The following CRACD variants were observed in gnomAD, a reference collection of about 807,000 sequenced individuals.
The protein encoded by CRACD is capping protein-inhibiting regulator of actin dynamics.
CRACD carries 56 observed loss-of-function variants against 106.8 expected under a neutral mutation model. The ratio of observed to expected loss-of-function variants is 0.52; its 90% CI spans 0.42 to 0.66. The LOEUF is 0.66. CRACD is among the 30% of genes least tolerant of loss of function. CRACD has a pLI of 0.00. For missense variants in CRACD, 1,730 were observed against 1,623.2 expected, an observed-to-expected ratio of 1.07 and a Z score of -1.13; for synonymous variants, 754 against 670.8, an observed-to-expected ratio of 1.12 and a Z score of -1.92.
chr4:56,057,911 C>A (rs1332145282), intron 1 of CRACD, among the ~76,000 whole-genome samples: 1 of 113,214 alleles, frequency 8.8e-6, no homozygotes, highest in South Asian at 2.7e-4. Context: ...CTCCGCCTCC[C>A]GGGTTCACGC....
intron 1 of CRACD, among the ~76,000 whole-genome samples, chr4:56,092,747 T>C (rs1161713546): frequency 6.6e-6 from 1 of 152,042 alleles, no homozygotes; most frequent in African/African-American, 2.4e-5. Flanking sequence ...GACTACAGAA[T>C]GGCACTACCA....
intron 3 of CRACD, among the ~76,000 whole-genome samples, chr4:56,287,291 A>ATTTTTTTTT (rs57432926): frequency 4.9e-4 from 72 of 145,948 alleles, no homozygotes; most frequent in African/African-American, 1.7e-3. Flanking sequence ...TACTTGGCTA[A>ATTTTTTTTT]TTTTTTTTTT....
intron 2 of CRACD, among the ~76,000 whole-genome samples, chr4:56,190,241 C>G (rs1737309646): frequency 1.3e-5 from 2 of 151,904 alleles, no homozygotes; most frequent in South Asian, 4.2e-4. Context: ...TGGGTTGGTT[C>G]CAAGTCTTTG....
At position 56,166,573 on chromosome 4, in the gene CRACD, G is replaced by A. The variant is rs180735485; in HGVS notation, c.-335-12711G>A. On this transcript the variant is annotated intron_variant, in intron 1 of 10. Coordinates refer to ENST00000682029, the MANE Select transcript of CRACD (RefSeq NM_001393381.1). ...TGCATGCCTATAATCCCAGCAACTC[G>A]GGAGGCTGAGACAGGAGAATCGCTT... Among the ~76,000 whole-genome samples the A allele has an allele frequency of 8.6e-5, 13 of 150,490 alleles. No homozygotes were observed. In the East Asian group the frequency reaches 1.6e-3, roughly 18 times the overall value.
chr4:56,170,042 A>G (rs1261317319), intron 1 of CRACD, among the ~76,000 whole-genome samples: 1 of 146,934 alleles, frequency 6.8e-6, no homozygotes, highest in Admixed American at 7.1e-5. Context: ...GAGTAGCAGA[A>G]CAACAACAAC....
At chr4:56,127,993 CTG>C (rs976074782) in intron 1 of CRACD, among the ~76,000 whole-genome samples, 1 of 152,128 alleles carries the variant, frequency 6.6e-6, no homozygotes, top group African/African-American at 2.4e-5. Context: ...GAAAATATGA[CTG>C]TTTTCTCTCT....
chr4:56,188,196 G>A (rs919912337), intron 2 of CRACD, among the ~76,000 whole-genome samples: 1 of 152,090 alleles, frequency 6.6e-6, no homozygotes, highest in South Asian at 2.1e-4. Context: ...ACTTGGATAT[G>A]TATATGTATT....
chr4:56,175,514 A>C (rs1327643672), intron 1 of CRACD, among the ~76,000 whole-genome samples: 1 of 151,982 alleles, frequency 6.6e-6, no homozygotes, highest in Non-Finnish European at 1.5e-5. Context: ...AAAATTTTTT[A>C]AATTTTTGTG....
chr4:56,169,783 G>A (rs1171326036), intron 1 of CRACD, among the ~76,000 whole-genome samples: 1 of 151,986 alleles, frequency 6.6e-6, no homozygotes, highest in African/African-American at 2.4e-5. Flanking sequence ...CAGGCACCAC[G>A]ACTGGCCCGT....
At position 56,328,012 on chromosome 4, in the gene CRACD, T is replaced by C. The variant is rs1482795606; in HGVS notation, c.*208T>C. ...CCTAGGTCCTGGTGCCTCGAGCTCC[T>C]CCTAGTTCTCAAGAGAAAATTCCGT... is the stretch of plus-strand genomic sequence containing the variant. On this transcript the variant is annotated 3_prime_UTR_variant, in exon 11 of 11. Coordinates refer to ENST00000682029, the MANE Select transcript of CRACD (RefSeq NM_001393381.1). 4.2e-6 allele frequency: 2 copies of C among 481,482 alleles called. No individual in the cohort carries two copies. Among genetic ancestry groups the C allele is most frequent in the East Asian group, 7.3e-5 (2 of 27,446 alleles). The allele number at this position is 481,482 out of a possible 1,614,324, so 29.8% of individuals were successfully genotyped here.
At chr4:56,174,930 A>G (rs886682523) in intron 1 of CRACD, among the ~76,000 whole-genome samples, 1 of 152,234 alleles carries the variant, frequency 6.6e-6, no homozygotes, top group Non-Finnish European at 1.5e-5. Context: ...CATGTGTTAC[A>G]TGGTGGCAAG....
At chr4:56,115,659 C>T (rs930661502) in intron 1 of CRACD, among the ~76,000 whole-genome samples, 1 of 152,168 alleles carries the variant, frequency 6.6e-6, no homozygotes, top group Non-Finnish European at 1.5e-5. Context: ...AGAAACCCAA[C>T]TTGGGTCATC....
intron 1 of CRACD, among the ~76,000 whole-genome samples, chr4:56,055,263 C>T (rs1339866034): frequency 2.0e-5 from 3 of 151,486 alleles, no homozygotes; most frequent in Non-Finnish European, 4.4e-5. Flanking sequence ...AGACAGGGAG[C>T]GGGAAACAGG....
At position 56,316,175 on chromosome 4, in the gene CRACD, A is replaced by C; in HGVS notation, c.2673A>C (p.Gly891=). Residue 891 remains glycine (G), a synonymous_variant, in exon 8 of 11, where the codon GGA becomes GGC. Coordinates refer to ENST00000682029, the MANE Select transcript of CRACD (RefSeq NM_001393381.1). Reference sequence around the variant, plus strand: ...CGCCTGCAGCGGGGAGCGCTCGTGGAGAGAAAGAGATGGAGGGTGTGGCCC... The same window carrying C: ...CGCCTGCAGCGGGGAGCGCTCGTGGCGAGAAAGAGATGGAGGGTGTGGCCC... The part of the protein sequence containing the change: ...AGPPAAGSAR[G]EKEMEGVALK... 2.5e-6 allele frequency: 4 copies of C among 1,614,170 alleles called. No individual in the cohort carries two copies. The highest frequency in any genetic ancestry group is 3.4e-6 in the Non-Finnish European group (4 of 1,180,014).
intron 2 of CRACD, among the ~76,000 whole-genome samples, chr4:56,262,640 T>A (rs753078429): frequency 1.1e-4 from 17 of 152,194 alleles, no homozygotes; most frequent in Non-Finnish European, 1.9e-4. Context: ...ACCTACTGTT[T>A]CTCACAGGGT....
intron 2 of CRACD, among the ~76,000 whole-genome samples, chr4:56,195,157 A>C (rs1737544887): frequency 6.6e-6 from 1 of 152,152 alleles, no homozygotes. Context: ...AGTTTAAGGA[A>C]ATACTTTATA....
intron 1 of CRACD, among the ~76,000 whole-genome samples, chr4:56,086,900 CCT>C (rs1323623680): frequency 1.3e-5 from 2 of 152,178 alleles, no homozygotes; most frequent in African/African-American, 2.4e-5. Context: ...TCACCGCTCC[CCT>C]CTTTCACCTT....
At chr4:56,179,067 GA>G (rs1428091151) in intron 1 of CRACD, among the ~76,000 whole-genome samples, 1 of 152,174 alleles carries the variant, frequency 6.6e-6, no homozygotes, top group African/African-American at 2.4e-5. Context: ...TCAAAAGGGG[GA>G]AAGTTAATAA....
chr4:56,097,182 G>A (rs1009101724), intron 1 of CRACD, among the ~76,000 whole-genome samples: 1 of 152,196 alleles, frequency 6.6e-6, no homozygotes, highest in African/African-American at 2.4e-5. Flanking sequence ...ATTAGTATAA[G>A]TAGTGGTGAG....
Sources: allele counts gnomAD v4.1 joint callset (sites outside exome capture counted in the v4.1 genomes callset), GRCh38; gene constraint gnomAD v4.1.1; transcripts MANE v1.5; gene names NCBI Gene and HGNC (gene_info 2026-07-23, HGNC 2026-07-21).